Variants in WASF2 observed in about 807,000 individuals in gnomAD.
WASF2 encodes the protein actin-binding protein WASF2.
A neutral mutation model predicts 45.0 loss-of-function variants in WASF2; 14 were observed. The observed-to-expected ratio is 0.31, with a 90% CI of 0.21 to 0.49. The LOEUF (loss-of-function observed/expected upper bound fraction) is 0.49, where lower values mean the gene tolerates loss of function less well. Ranked by LOEUF, WASF2 falls within the 20% of genes least tolerant of loss-of-function variation. The probability of loss-of-function intolerance (pLI) is 0.99; values close to 1 mark genes in which losing one functional copy is unlikely to be tolerated. For synonymous variants in WASF2, 200 were observed against 236.3 expected (o/e 0.85, Z 1.41); for missense variants, 439 against 636.1 (o/e 0.69, Z 3.33).
At position 27,405,678 on chromosome 1, in the gene WASF2, G is replaced by T. The variant is rs1401185561; in HGVS notation, c.*2511C>A. 1.5e-5 allele frequency: 2 copies of T among 130,078 alleles called. No individual in the cohort carries two copies. The highest frequency in any genetic ancestry group is 3.1e-5 in the Non-Finnish European group (2 of 64,892). 8.1% of individuals were successfully genotyped at this position (130,078 alleles called of 1,614,324 possible). A position where few individuals can be genotyped will look rare whatever the true frequency, so the allele number is the denominator to read the frequency against. Reference sequence around the variant, plus strand: ...CCCAGAGGGCCTCTCGGCTCACTGGGTCCCCGGCCCCCCGAGCTGAGGAGG... The same window carrying T: ...CCCAGAGGGCCTCTCGGCTCACTGGTTCCCCGGCCCCCCGAGCTGAGGAGG... On this transcript the variant is annotated 3_prime_UTR_variant, in exon 9 of 9. Coordinates refer to ENST00000618852, the MANE Select transcript of WASF2 (RefSeq NM_006990.5).
chr1:27,488,951 G>A (rs1230148678), intron 1 of WASF2, among the ~76,000 whole-genome samples: 1 of 152,082 alleles, frequency 6.6e-6, no homozygotes, highest in East Asian at 1.9e-4. Context: ...AAGAACATAT[G>A]CCTAAGCAAG....
intron 1 of WASF2, among the ~76,000 whole-genome samples, chr1:27,468,921 C>CA (rs71010356): frequency 0.026 from 1,997 of 77,386 alleles, 26 homozygotes; most frequent in Middle Eastern, 0.045. Flanking sequence ...GACTCTGTCT[C>CA]AAAAAAAAAA....
chr1:27,420,051 C>T (rs891567920), intron 2 of WASF2, among the ~76,000 whole-genome samples: 1 of 151,936 alleles, frequency 6.6e-6, no homozygotes, highest in Non-Finnish European at 1.5e-5. Flanking sequence ...ATTACAGATG[C>T]GCACCACCAT....
chr1:27,461,183 T>C (rs1013465117), intron 1 of WASF2, among the ~76,000 whole-genome samples: 2 of 152,150 alleles, frequency 1.3e-5, no homozygotes, highest in Admixed American at 1.3e-4. Context: ...AGGTTTTTAC[T>C]TTTTATTTTG....
chr1:27,486,187 A>G (rs909001350), intron 1 of WASF2, among the ~76,000 whole-genome samples: 6 of 152,206 alleles, frequency 3.9e-5, no homozygotes, highest in Non-Finnish European at 7.3e-5. Flanking sequence ...CAGACATTTT[A>G]CTACAGAAAT....
At chr1:27,487,109 ATTT>A (rs1197604898) in intron 1 of WASF2, among the ~76,000 whole-genome samples, 1 of 145,754 alleles carries the variant, frequency 6.9e-6, no homozygotes, top group Non-Finnish European at 1.5e-5. Flanking sequence ...ATATAGAGAG[ATTT>A]TTTTTTGAGA....
chr1:27,454,179 ATATATATATTTTTT>A (rs1444464382), intron 1 of WASF2, among the ~76,000 whole-genome samples: 184 of 10,258 alleles, frequency 0.018, no homozygotes, highest in Non-Finnish European at 0.033. Flanking sequence ...ATATATATAT[ATATATATATTTTTT>A]TTTTTTTTTT....
chr1:27,432,971 C>T (rs1303003560), intron 1 of WASF2, among the ~76,000 whole-genome samples: 1 of 152,176 alleles, frequency 6.6e-6, no homozygotes. Context: ...CTATGCTGTC[C>T]AGGCTGGTCT....
At chr1:27,465,569 C>G (rs1047898772) in intron 1 of WASF2, among the ~76,000 whole-genome samples, 1 of 152,160 alleles carries the variant, frequency 6.6e-6, no homozygotes, top group African/African-American at 2.4e-5. Flanking sequence ...CCCACAAAAC[C>G]TATCTTCCCC....
intron 1 of WASF2, among the ~76,000 whole-genome samples, chr1:27,453,063 C>T (rs2017407321): frequency 6.7e-6 from 1 of 149,654 alleles, no homozygotes; most frequent in Non-Finnish European, 1.5e-5. Flanking sequence ...AAAAATTACC[C>T]AGGTGTTGTG....
At chr1:27,450,788 C>T (rs901154764) in intron 1 of WASF2, among the ~76,000 whole-genome samples, 4 of 151,744 alleles carry the variant, frequency 2.6e-5, no homozygotes, top group African/African-American at 2.4e-5. Context: ...TGTGAGCCAT[C>T]GCACCCAGCC....
intron 1 of WASF2, among the ~76,000 whole-genome samples, chr1:27,429,413 C>A (rs1020108613): frequency 6.6e-6 from 1 of 152,194 alleles, no homozygotes; most frequent in Admixed American, 6.5e-5. Flanking sequence ...AATCAAGCTG[C>A]CAATAGTGAT....
chr1:27,460,118 T>G (rs550265415), intron 1 of WASF2, among the ~76,000 whole-genome samples: 12 of 152,218 alleles, frequency 7.9e-5, no homozygotes, highest in Non-Finnish European at 1.6e-4. Flanking sequence ...TTGATGACAG[T>G]AATATTTCTC....
intron 1 of WASF2, among the ~76,000 whole-genome samples, chr1:27,453,618 C>A (rs1408759571): frequency 8.2e-6 from 1 of 122,550 alleles, no homozygotes; most frequent in African/African-American, 3.1e-5. Flanking sequence ...AAGGGCCAAG[C>A]GCGGTGGCTC....
At chr1:27,408,678 C>G (rs2016713244) in intron 8 of WASF2, among the ~76,000 whole-genome samples, 1 of 152,084 alleles carries the variant, frequency 6.6e-6, no homozygotes, top group Admixed American at 6.6e-5. Context: ...TATAATGGGG[C>G]TCAGCTGCCA....
intron 2 of WASF2, among the ~76,000 whole-genome samples, chr1:27,423,755 C>T (rs1483211541): frequency 6.8e-6 from 1 of 146,530 alleles, no homozygotes; most frequent in Non-Finnish European, 1.5e-5. Flanking sequence ...TTTGTTTTTT[C>T]CTTAGCAGAA....
chr1:27,443,263 G>A (rs2017266668), intron 1 of WASF2, among the ~76,000 whole-genome samples: 1 of 146,904 alleles, frequency 6.8e-6, no homozygotes, highest in African/African-American at 2.5e-5. Context: ...TTGACTCCAG[G>A]AGTAAGAGGC....
At chr1:27,455,010 G>A (rs991738317) in intron 1 of WASF2, among the ~76,000 whole-genome samples, 3 of 151,918 alleles carry the variant, frequency 2.0e-5, no homozygotes, top group Admixed American at 1.3e-4. Flanking sequence ...TGGGTCACAG[G>A]GCATGTACAT....
intron 1 of WASF2, among the ~76,000 whole-genome samples, chr1:27,454,125 G>GCA: frequency 1.1e-5 from 1 of 89,280 alleles, no homozygotes; most frequent in African/African-American, 4.4e-5. Context: ...ATATATGTGT[G>GCA]TATATATATA....
Sources: allele counts gnomAD v4.1 joint callset (sites outside exome capture counted in the v4.1 genomes callset), GRCh38; gene constraint gnomAD v4.1.1; transcripts MANE v1.5; gene names NCBI Gene and HGNC (gene_info 2026-07-23, HGNC 2026-07-21).